PRICKLE2: variants seen among roughly 807,000 people sequenced by gnomAD.
PRICKLE2 encodes the protein prickle-like protein 2.
PRICKLE2 carries 21 observed loss-of-function variants against 81.4 expected under a neutral mutation model. That is an observed-to-expected ratio of 0.26 (90% confidence interval 0.18 to 0.37). The LOEUF (loss-of-function observed/expected upper bound fraction) is 0.37. Among genes scored for constraint, PRICKLE2 ranks in the 10% least tolerant of loss-of-function variants. PRICKLE2 has a pLI of 1.00. For missense variants in PRICKLE2, 940 were observed against 1,109.0 expected (o/e 0.85, Z 2.16); for synonymous variants, 456 against 421.5 (o/e 1.08, Z -1.00).
intron 2 of PRICKLE2, among the ~76,000 whole-genome samples, chr3:64,178,447 C>T (rs750643903): frequency 5.3e-5 from 8 of 152,134 alleles, no homozygotes; most frequent in African/African-American, 9.7e-5. Flanking sequence ...AAGCTTTTTT[C>T]CTGGATATGA....
intron 2 of PRICKLE2, among the ~76,000 whole-genome samples, chr3:64,175,623 T>C (rs896032219): frequency 1.3e-5 from 2 of 152,220 alleles, no homozygotes; most frequent in African/African-American, 2.4e-5. Flanking sequence ...AGTCATTTTG[T>C]TCATTACATC....
At position 64,231,455 on chromosome 3, in the gene PRICKLE2, C is replaced by A. The variant is rs572085155; in HGVS notation, c.129-32488G>T. Among the ~76,000 whole-genome samples the A allele has an allele frequency of 2.0e-5, 3 of 152,122 alleles. No individual in the cohort carries two copies. The South Asian group carries it at 6.2e-4, about 32-fold the overall frequency. On this transcript the variant is annotated intron_variant, in intron 2 of 8. Transcript: ENST00000295902. Reference sequence around the variant, plus strand: ...ATTAAACAGCTGAAACCTGAATTTTCTTTATGTAAAGGACTAGGAGAACAA... The same window carrying A: ...ATTAAACAGCTGAAACCTGAATTTTATTTATGTAAAGGACTAGGAGAACAA...
At chr3:64,161,308 C>T (rs886588517) in intron 3 of PRICKLE2, among the ~76,000 whole-genome samples, 4 of 152,172 alleles carry the variant, frequency 2.6e-5, no homozygotes, top group Non-Finnish European at 5.9e-5. Context: ...GAAACACGGT[C>T]CTAATCCCGT....
chr3:64,112,507 T>G (rs948390959), intron 7 of PRICKLE2, among the ~76,000 whole-genome samples: 4 of 152,164 alleles, frequency 2.6e-5, no homozygotes, highest in East Asian at 1.9e-4. Flanking sequence ...ATGGAATAAT[T>G]TTTAAATGGA....
At chr3:64,255,422 T>G (rs750995187) in intron 2 of PRICKLE2, among the ~76,000 whole-genome samples, 85 of 152,338 alleles carry the variant, frequency 5.6e-4, no homozygotes, top group Non-Finnish European at 8.8e-5. Flanking sequence ...TCCTTCCTTA[T>G]AGGTTCCTTG....
intron 2 of PRICKLE2, among the ~76,000 whole-genome samples, chr3:64,172,326 T>G (rs1033840501): frequency 6.6e-6 from 1 of 152,228 alleles, no homozygotes; most frequent in Non-Finnish European, 1.5e-5. Context: ...AGTTGCTAAC[T>G]TCATTTGACA....
At chr3:64,248,721 G>A (rs1462600721) in intron 2 of PRICKLE2, among the ~76,000 whole-genome samples, 1 of 150,598 alleles carries the variant, frequency 6.6e-6, no homozygotes, top group African/African-American at 2.4e-5. Flanking sequence ...GCAAAATGTG[G>A]CAAATCTTTG....
rs2106929273 is a variant in PRICKLE2 at position 64,094,830 on chromosome 3, A to G, written c.*4221T>C. ...AAGGTGGCGATCTGAAACTGCCTTCAACAATTGGCAGTGGAGGCTTGGCTA... is the reference window on the plus strand; with the variant it reads ...AAGGTGGCGATCTGAAACTGCCTTCGACAATTGGCAGTGGAGGCTTGGCTA... On this transcript the variant is annotated 3_prime_UTR_variant, in exon 8 of 8. Coordinates refer to ENST00000638394, the MANE Select transcript of PRICKLE2 (RefSeq NM_198859.4). 1 of 152,778 alleles carries G rather than the reference A, an allele frequency of 6.5e-6. No homozygotes were observed. Among genetic ancestry groups the G allele is most frequent in the Middle Eastern group, 3.4e-3 (1 of 294 alleles). The allele number at this position is 152,778 out of a possible 1,614,324, so 9.5% of individuals were successfully genotyped here.
Position 64,095,701 on chromosome 3 carries a change from C to A in PRICKLE2, c.*3350G>T, listed in dbSNP as rs1000554087. ...TACAGGAAATGAGGATTAGAAAGCA[C>A]TACTTCCAGATCCTGTATTAGAAAC... On this transcript the variant is annotated 3_prime_UTR_variant, in exon 8 of 8. Transcript: ENST00000638394. 3 of 152,182 alleles carry A rather than the reference C, an allele frequency of 2.0e-5. No individual in the cohort carries two copies. Among genetic ancestry groups the A allele is most frequent in the African/African-American group, 7.2e-5 (3 of 41,442 alleles). The allele number at this position is 152,182 out of a possible 1,614,324, so 9.4% of individuals were successfully genotyped here.
intron 2 of PRICKLE2, among the ~76,000 whole-genome samples, chr3:64,243,050 C>A (rs1302627390): frequency 6.6e-6 from 1 of 152,164 alleles, no homozygotes; most frequent in Non-Finnish European, 1.5e-5. Context: ...GGACTTAGGT[C>A]TGTCTTATAC....
At chr3:64,172,277 T>C (rs142781770) in intron 2 of PRICKLE2, among the ~76,000 whole-genome samples, 306 of 152,372 alleles carry the variant, frequency 2.0e-3, no homozygotes, top group Middle Eastern at 0.014. Context: ...GCAGATTGTC[T>C]ACGCATTTGC....
chr3:64,137,300 T>G (rs2077292570), intron 7 of PRICKLE2, among the ~76,000 whole-genome samples: 1 of 152,132 alleles, frequency 6.6e-6, no homozygotes, highest in Non-Finnish European at 1.5e-5. Flanking sequence ...TGTTCACACA[T>G]TCTTAAAAAA....
In PRICKLE2 at chr3:64,198,964, C is replaced by G; in HGVS notation, c.-37G>C. Reference sequence around the variant, plus strand: ...GGGGACACTTGCAGTGCAGGCAGATCTTCCTGCAGGCAGTAAAGGTAGAAG... The same window carrying G: ...GGGGACACTTGCAGTGCAGGCAGATGTTCCTGCAGGCAGTAAAGGTAGAAG... On this transcript the variant is annotated 5_prime_UTR_variant, in exon 2 of 8. Coordinates refer to ENST00000638394, the MANE Select transcript of PRICKLE2 (RefSeq NM_198859.4). The G allele has an allele frequency of 6.2e-7, 1 of 1,613,716 alleles. No individual in the cohort carries two copies. The highest frequency in any genetic ancestry group is 1.1e-5 in the South Asian group (1 of 91,070).
intron 2 of PRICKLE2, among the ~76,000 whole-genome samples, chr3:64,177,051 A>T (rs1265177256): frequency 7.0e-6 from 1 of 143,060 alleles, no homozygotes; most frequent in Non-Finnish European, 1.5e-5. Flanking sequence ...AAATATCACT[A>T]GTTTTGTACT....
chr3:64,153,054 T>C (rs2077572344), intron 6 of PRICKLE2, 128 bp downstream of exon 6: 2 of 933,006 alleles, frequency 2.1e-6, no homozygotes, highest in Non-Finnish European at 1.8e-6. Context: ...ATCAAGAAAT[T>C]CCCTTTTTCA....
intron 6 of PRICKLE2, among the ~76,000 whole-genome samples, chr3:64,150,477 C>T (rs2077527379): frequency 6.6e-6 from 1 of 152,230 alleles, no homozygotes; most frequent in African/African-American, 2.4e-5. Flanking sequence ...AGGGTCACTG[C>T]CCAGATGCAT....
intron 2 of PRICKLE2, among the ~76,000 whole-genome samples, chr3:64,252,323 C>A (rs2079459720): frequency 6.6e-6 from 1 of 152,180 alleles, no homozygotes; most frequent in Non-Finnish European, 1.5e-5. Flanking sequence ...CAGGAAAGTT[C>A]AAGCTTGGTC....
intron 1 of PRICKLE2, among the ~76,000 whole-genome samples, chr3:64,212,105 T>G (rs532852551): frequency 6.6e-6 from 1 of 152,224 alleles, no homozygotes; most frequent in Non-Finnish European, 1.5e-5. Context: ...GCTTGGCCAC[T>G]GATGGTGTCT....
At chr3:64,127,032 C>A (rs1230907963) in intron 7 of PRICKLE2, among the ~76,000 whole-genome samples, 1 of 152,124 alleles carries the variant, frequency 6.6e-6, no homozygotes, top group Non-Finnish European at 1.5e-5. Flanking sequence ...TGGGGCAACA[C>A]CAGCAAAATA....
Sources: allele counts gnomAD v4.1 joint callset (sites outside exome capture counted in the v4.1 genomes callset), GRCh38; gene constraint gnomAD v4.1.1; transcripts MANE v1.5; gene names NCBI Gene and HGNC (gene_info 2026-07-23, HGNC 2026-07-21).